ANO5: variants seen among roughly 807,000 people sequenced by gnomAD.
ANO5 encodes the protein anoctamin-5.
In ANO5, 109 loss-of-function variants were observed where a neutral mutation model predicts 121.0. That is an observed-to-expected ratio of 0.90 (90% confidence interval 0.77 to 1.06). The LOEUF is 1.06. Among genes scored for constraint, ANO5 ranks in the 50% least tolerant of loss-of-function variants. The pLI is 0.00. For synonymous variants in ANO5, 406 were observed against 359.9 expected (o/e 1.13, Z -1.45); for missense variants, 1,064 against 1,078.5 (o/e 0.99, Z 0.19).
chr11:22,231,766 T>C (rs1853048976), intron 7 of ANO5, among the ~76,000 whole-genome samples: 1 of 152,002 alleles, frequency 6.6e-6, no homozygotes, highest in Admixed American at 6.6e-5. Flanking sequence ...TTACATGTAT[T>C]ACACTATCAC....
chr11:22,210,067 A>G (rs1852231476), intron 2 of ANO5, among the ~76,000 whole-genome samples: 1 of 152,002 alleles, frequency 6.6e-6, no homozygotes, highest in African/African-American at 2.4e-5. Flanking sequence ...TAGACGAGCT[A>G]GTGGAATTCA....
intron 1 of ANO5, among the ~76,000 whole-genome samples, chr11:22,195,885 A>G (rs1034204374): frequency 6.6e-6 from 1 of 152,186 alleles, no homozygotes; most frequent in African/African-American, 2.4e-5. Context: ...CATTCTGCCC[A>G]AATTCCTGTA....
chr11:22,250,029 T>C (rs1381611419), intron 9 of ANO5, among the ~76,000 whole-genome samples: 1 of 152,152 alleles, frequency 6.6e-6, no homozygotes, highest in African/African-American at 2.4e-5. Flanking sequence ...GTATCAGTCC[T>C]TGCAGTATGG....
intron 9 of ANO5, among the ~76,000 whole-genome samples, chr11:22,248,873 T>A (rs1378162278): frequency 1.3e-5 from 2 of 152,046 alleles, no homozygotes; most frequent in Non-Finnish European, 2.9e-5. Context: ...CTGCCATTTT[T>A]AAAACATTAA....
Position 22,215,457 on chromosome 11 carries a change from C to G in ANO5, c.139-2789C>G, listed in dbSNP as rs78733376. ...ACAATTGATATGCCATCTCAATTCT[C>G]AAATTTGAGTTTCAAGTGTAGTCCT... is the stretch of plus-strand genomic sequence containing the variant. On this transcript the variant is annotated intron_variant, in intron 3 of 21. Coordinates refer to ENST00000324559, the MANE Select transcript of ANO5 (RefSeq NM_213599.3). Among the ~76,000 whole-genome samples, 1,394 of 152,058 alleles carry G rather than the reference C, an allele frequency of 9.2e-3. 20 individuals carry two copies. The highest frequency in any genetic ancestry group is 0.032 in the African/African-American group (1,330 of 41,516).
At chr11:22,211,178 A>G (rs1053017666) in intron 2 of ANO5, 86 bp from the exon 3 acceptor site, 24 of 1,364,196 alleles carry the variant, frequency 1.8e-5, no homozygotes, top group Non-Finnish European at 2.5e-5. Flanking sequence ...CATAGAGATT[A>G]CAGAGTTGTT....
At chr11:22,207,927 G>T (rs1381365025) in intron 2 of ANO5, among the ~76,000 whole-genome samples, 1 of 151,966 alleles carries the variant, frequency 6.6e-6, no homozygotes, top group African/African-American at 2.4e-5. Flanking sequence ...CATATGAAAA[G>T]ATCTTCAATA....
chr11:22,208,474 A>G (rs942672068), intron 2 of ANO5, among the ~76,000 whole-genome samples: 19 of 152,036 alleles, frequency 1.2e-4, no homozygotes, highest in Admixed American at 1.0e-3. Context: ...CTGAAATGAC[A>G]GTATACAGAT....
At chr11:22,265,932 T>C (rs1298186827) in intron 17 of ANO5, among the ~76,000 whole-genome samples, 1 of 152,158 alleles carries the variant, frequency 6.6e-6, no homozygotes, top group African/African-American at 2.4e-5. Flanking sequence ...GAAACAGATA[T>C]TACAGAAATT....
chr11:22,270,580 G>T, intron 18 of ANO5, 138 bp downstream of exon 18: 1 of 1,275,150 alleles, frequency 7.8e-7, no homozygotes, highest in Non-Finnish European at 1.1e-6. Context: ...TGAGTGGAGG[G>T]ATATAAAGAA....
intron 1 of ANO5, among the ~76,000 whole-genome samples, chr11:22,194,341 G>A (rs776171593): frequency 6.6e-6 from 1 of 152,152 alleles, no homozygotes; most frequent in African/African-American, 2.4e-5. Flanking sequence ...CACAGAAACA[G>A]TTTTCCAAAG....
chr11:22,214,744 G>T (rs1350831328), intron 3 of ANO5, among the ~76,000 whole-genome samples: 1 of 151,860 alleles, frequency 6.6e-6, no homozygotes, highest in African/African-American at 2.4e-5. Context: ...GAGCTCTTTG[G>T]TTACCTGCAC....
chr11:22,276,456 A>G (rs931940328), intron 21 of ANO5, among the ~76,000 whole-genome samples: 2 of 151,816 alleles, frequency 1.3e-5, no homozygotes, highest in African/African-American at 4.8e-5. Context: ...CCTTCAAGTC[A>G]GGAAAAGGGG....
intron 19 of ANO5, 148 bp downstream of exon 19, chr11:22,273,137 A>G (rs915692143): frequency 7.1e-6 from 6 of 843,128 alleles, no homozygotes; most frequent in Non-Finnish European, 1.2e-5. Context: ...GCTAACCAAT[A>G]TAGAAAAACC....
chr11:22,260,314 G>A (rs1230879241), intron 15 of ANO5, among the ~76,000 whole-genome samples: 3 of 152,212 alleles, frequency 2.0e-5, no homozygotes, highest in Non-Finnish European at 4.4e-5. Flanking sequence ...ACAGAGCACA[G>A]TCGCTTCTGC....
Position 22,259,611 on chromosome 11 carries a change from C to G in ANO5, c.1500C>G (p.Ser500=). Reference sequence around the variant, plus strand: ...CTAGTTTCATGGAAAGTGATGCATCCTTAAAGCAGGTCAAAAGCTTCCTTA... The same window carrying G: ...CTAGTTTCATGGAAAGTGATGCATCGTTAAAGCAGGTCAAAAGCTTCCTTA... ...TFASFMESDA[S]LKQVKSFLTP... is the part of the protein sequence containing the mutation. Residue 500 remains serine, a synonymous_variant, in exon 15 of 22, where the codon TCC becomes TCG. Transcript: ENST00000324559. The G allele has an allele frequency of 6.2e-7, 1 of 1,614,056 alleles. No homozygotes were observed. Among genetic ancestry groups the G allele is most frequent in the Non-Finnish European group, 8.5e-7 (1 of 1,179,992 alleles).
rs1335022777 is a variant in ANO5, at chr11:22,270,209, T to C, written c.1899-103T>C. On this transcript the variant is annotated intron_variant, in intron 17 of 21. Coordinates refer to ENST00000324559, the MANE Select transcript of ANO5 (RefSeq NM_213599.3). ...CTCTTTGCTCTGTGATCTTAAGTTATTTAATCTCTAATTTCTGCCAGTTTC... is the reference window on the plus strand; with the variant it reads ...CTCTTTGCTCTGTGATCTTAAGTTACTTAATCTCTAATTTCTGCCAGTTTC... The C allele has an allele frequency of 3.5e-6, 5 of 1,428,700 alleles. No homozygotes were observed. The East Asian group carries it at 1.2e-4, about 34-fold the overall frequency. The allele number at this position is 1,428,700 out of a possible 1,614,324, so 88.5% of individuals were successfully genotyped here.
chr11:22,274,192 A>ACACACC (rs57239068), intron 19 of ANO5, among the ~76,000 whole-genome samples: 1 of 146,244 alleles, frequency 6.8e-6, no homozygotes, highest in African/African-American at 2.7e-5. Context: ...ACACACACAC[A>ACACACC]CCCGCAGTCC....
intron 1 of ANO5, among the ~76,000 whole-genome samples, chr11:22,197,308 TAAAC>T (rs1227856770): frequency 1.3e-5 from 2 of 151,812 alleles, no homozygotes; most frequent in African/African-American, 4.8e-5. Flanking sequence ...ATTAGTTACA[TAAAC>T]AAACATTGCC....
Sources: allele counts gnomAD v4.1 joint callset (sites outside exome capture counted in the v4.1 genomes callset), GRCh38; gene constraint gnomAD v4.1.1; transcripts MANE v1.5; gene names NCBI Gene and HGNC (gene_info 2026-07-23, HGNC 2026-07-21).